TRPM3: variants seen among roughly 807,000 people sequenced by gnomAD.
TRPM3 encodes the protein transient receptor potential cation channel subfamily M member 3.
Under a neutral mutation model 181.2 loss-of-function variants are expected in TRPM3, and 77 were observed. That is an observed-to-expected ratio of 0.42 (90% CI 0.35 to 0.51). The LOEUF is 0.51. Ranked by LOEUF, TRPM3 falls within the 20% of genes least tolerant of loss-of-function variation. The probability of loss-of-function intolerance (pLI) is 0.01; values close to 1 mark genes in which losing one functional copy is unlikely to be tolerated. For missense variants in TRPM3, 1,759 were observed against 2,196.7 expected (o/e 0.80, Z 3.98); for synonymous variants, 745 against 796.4 (o/e 0.94, Z 1.09).
chr9:71,057,149 T>G (rs2060764310), intron 1 of TRPM3, among the ~76,000 whole-genome samples: 1 of 152,052 alleles, frequency 6.6e-6, no homozygotes. Flanking sequence ...TTTCTATGCC[T>G]TTCTTACTGC....
chr9:70,661,846 CT>C (rs1358253973), intron 9 of TRPM3, among the ~76,000 whole-genome samples: 1 of 152,132 alleles, frequency 6.6e-6, no homozygotes, highest in Non-Finnish European at 1.5e-5. Flanking sequence ...AATGACTGTA[CT>C]GCTCAAAGCA....
intron 1 of TRPM3, among the ~76,000 whole-genome samples, chr9:71,255,428 C>T (rs936437201): frequency 3.9e-5 from 6 of 152,284 alleles, no homozygotes; most frequent in Non-Finnish European, 7.3e-5. Context: ...ATCCCACCAT[C>T]CTGCCCACAT....
intron 1 of TRPM3, among the ~76,000 whole-genome samples, chr9:70,869,884 T>C (rs181270537): frequency 6.6e-6 from 1 of 152,204 alleles, no homozygotes; most frequent in Admixed American, 6.5e-5. Context: ...CTCTTTCATA[T>C]ATCATCCAAG....
rs569705373 is a variant in TRPM3 at position 70,952,697 on chromosome 9, G to T, written c.178-88186C>A. Among the ~76,000 whole-genome samples the T allele has an allele frequency of 1.9e-4, 29 of 152,284 alleles. No individual in the cohort carries two copies. The Middle Eastern group carries it at 0.014, about 71-fold the overall frequency. On this transcript the variant is annotated intron_variant, in intron 1 of 25. Coordinates refer to ENST00000677713, the MANE Select transcript of TRPM3 (RefSeq NM_001366145.2). ...CAGACGGATTAACAGCTGAGCATGG[G>T]TGTTGGGAAAATGAGAGTTCATTGA...
intron 1 of TRPM3, among the ~76,000 whole-genome samples, chr9:71,193,741 C>T (rs2078172710): frequency 6.6e-6 from 1 of 151,806 alleles, no homozygotes; most frequent in African/African-American, 2.4e-5. Flanking sequence ...ATGATGTTAC[C>T]ATCCACCGGA....
chr9:71,249,999 T>C (rs1160823139), intron 1 of TRPM3, among the ~76,000 whole-genome samples: 2 of 152,200 alleles, frequency 1.3e-5, no homozygotes, highest in African/African-American at 4.8e-5. Flanking sequence ...GAAATACTAG[T>C]CTTTCATGCA....
chr9:70,840,557 C>A (rs1484705453), intron 5 of TRPM3, among the ~76,000 whole-genome samples: 2 of 151,734 alleles, frequency 1.3e-5, no homozygotes, highest in Admixed American at 6.6e-5. Context: ...TCAGTAAGTC[C>A]CATTGGAATG....
chr9:71,097,998 C>A (rs1191074927), intron 1 of TRPM3, among the ~76,000 whole-genome samples: 1 of 152,024 alleles, frequency 6.6e-6, no homozygotes, highest in Non-Finnish European at 1.5e-5. Flanking sequence ...TACATCCTGC[C>A]ATGAAGAGGA....
chr9:71,381,527 C>G (rs763711921), intron 1 of TRPM3, among the ~76,000 whole-genome samples: 1 of 152,080 alleles, frequency 6.6e-6, no homozygotes, highest in Admixed American at 6.6e-5. Flanking sequence ...AAGATATCTG[C>G]GGCTGCATTA....
Position 71,183,778 on chromosome 9 carries a change from A to G in TRPM3, c.183+262875T>C, listed in dbSNP as rs548331647. 2.0e-5 allele frequency among the ~76,000 whole-genome samples: 3 copies of G among 152,206 alleles called. No homozygotes were observed. The East Asian group carries it at 5.8e-4, about 29-fold the overall frequency. ...TGGGATCATTTTCTCATTTTCTTCAATTCTTTAACAGGTACATCTATGACA... is the reference window on the plus strand; with the variant it reads ...TGGGATCATTTTCTCATTTTCTTCAGTTCTTTAACAGGTACATCTATGACA... On this transcript the variant is annotated intron_variant, in intron 1 of 24. Coordinates refer to the TRPM3 transcript ENST00000357533.
intron 1 of TRPM3, among the ~76,000 whole-genome samples, chr9:70,909,166 T>A (rs1192786391): frequency 1.3e-5 from 2 of 152,194 alleles, no homozygotes; most frequent in Admixed American, 6.5e-5. Flanking sequence ...AAAATGCAAG[T>A]CACATAGCTG....
At chr9:70,682,151 G>A (rs2065609333) in intron 8 of TRPM3, among the ~76,000 whole-genome samples, 1 of 152,050 alleles carries the variant, frequency 6.6e-6, no homozygotes, top group Non-Finnish European at 1.5e-5. Flanking sequence ...GACTAAGACA[G>A]CCTGCTCCCC....
At position 71,266,673 on chromosome 9, in the gene TRPM3, A is replaced by G. The variant is rs187558817; in HGVS notation, c.183+179980T>C. The stretch of plus-strand genomic sequence containing the variant: ...CAAAATTGCATGTGTATAATACAGT[A>G]TTGTTGACTGTAGGCACAATGGTGT... On this transcript the variant is annotated intron_variant, in intron 1 of 24. Coordinates refer to the TRPM3 transcript ENST00000357533. 1.4e-4 allele frequency among the ~76,000 whole-genome samples: 22 copies of G among 152,344 alleles called. No individual in the cohort carries two copies. In the East Asian group the frequency reaches 4.2e-3, roughly 29 times the overall value.
At chr9:70,555,570 T>A (rs766634600) in intron 22 of TRPM3, among the ~76,000 whole-genome samples, 15 of 152,212 alleles carry the variant, frequency 9.9e-5, no homozygotes, top group Non-Finnish European at 2.1e-4. Context: ...GGCCTACTTG[T>A]GATGCATAGT....
chr9:70,620,044 C>T (rs755788619), intron 16 of TRPM3, 32 bp downstream of exon 16: 1 of 1,578,918 alleles, frequency 6.3e-7, no homozygotes, highest in Non-Finnish European at 8.6e-7. Flanking sequence ...CTCCTCTCCC[C>T]CTGACCAGCC....
At chr9:70,899,614 T>C (rs2096352992) in intron 1 of TRPM3, among the ~76,000 whole-genome samples, 1 of 152,132 alleles carries the variant, frequency 6.6e-6, no homozygotes, top group Non-Finnish European at 1.5e-5. Flanking sequence ...AAACTTTTAA[T>C]TGATGAAACT....
rs1265903356 is a variant in TRPM3, at chr9:70,606,216, G to GTATC, written c.2668-2750_2668-2747dup. On this transcript the variant is annotated intron_variant, in intron 19 of 25. Coordinates refer to ENST00000677713, the MANE Select transcript of TRPM3 (RefSeq NM_001366145.2). ...TATATATCTATCTATCTGTCTGTCT[G>GTATC]TATCTCCCAACACACTGTAGAGGCC... Among the ~76,000 whole-genome samples, 12 of 152,254 alleles carry GTATC rather than the reference G, an allele frequency of 7.9e-5. No homozygotes were observed. In the East Asian group the frequency reaches 1.9e-3, roughly 25 times the overall value.
chr9:71,130,506 T>C (rs1454046635), intron 1 of TRPM3, among the ~76,000 whole-genome samples: 2 of 152,164 alleles, frequency 1.3e-5, no homozygotes, highest in African/African-American at 4.8e-5. Flanking sequence ...TACTTGGACT[T>C]CATATAAAAT....
chr9:70,698,656 T>C (rs2071390725), intron 8 of TRPM3, among the ~76,000 whole-genome samples: 2 of 152,176 alleles, frequency 1.3e-5, no homozygotes, highest in Non-Finnish European at 2.9e-5. Context: ...TCAATTGTAA[T>C]CCCCGGTGTT....
Sources: allele counts gnomAD v4.1 joint callset (sites outside exome capture counted in the v4.1 genomes callset), GRCh38; gene constraint gnomAD v4.1.1; transcripts MANE v1.5; gene names NCBI Gene and HGNC (gene_info 2026-07-23, HGNC 2026-07-21).